ODAD3: variants seen among roughly 807,000 people sequenced by gnomAD.
ODAD3 encodes the protein outer dynein arm docking complex subunit 3.
ODAD3 carries 57 observed loss-of-function variants against 70.9 expected under a neutral mutation model. The ratio of observed to expected loss-of-function variants is 0.80; its 90% confidence interval spans 0.65 to 1.00. The LOEUF is 1.00. Among genes scored for constraint, ODAD3 ranks in the 50% least tolerant of loss-of-function variants. ODAD3 has a pLI of 0.00. For missense variants in ODAD3, 797 were observed against 763.9 expected (o/e 1.04, Z -0.51); for synonymous variants, 327 against 315.9 (o/e 1.04, Z -0.37).
rs1555722340 is a variant in ODAD3 at position 11,425,243 on chromosome 19, GTA to G, written c.963+899_963+900del. On this transcript the variant is annotated intron_variant, in intron 7 of 12. Transcript: ENST00000356392. Reference sequence around the variant, plus strand: ...TATATGTGTGTATATGTACATATGTGTATATATGTATATGTACATATGTGTAT... The same window carrying G: ...TATATGTGTGTATATGTACATATGTGTATATGTATATGTACATATGTGTAT... 1.0e-4 allele frequency among the ~76,000 whole-genome samples: 13 copies of G among 127,036 alleles called. 1 individual carries two copies. The highest frequency in any genetic ancestry group is 5.3e-4 in the African/African-American group (13 of 24,748). The allele number at this position is 127,036 out of a possible 152,430, so 83.3% of individuals were successfully genotyped here. A position where few individuals can be genotyped will look rare whatever the true frequency, so the allele number is the denominator to read the frequency against.
In ODAD3 at chr19:11,425,103, G is replaced by A. The variant is rs200616843; in HGVS notation, c.963+1041C>T. Among the ~76,000 whole-genome samples the A allele has an allele frequency of 3.8e-5, 5 of 131,920 alleles. 2 individuals carry two copies. Among genetic ancestry groups the A allele is most frequent in the African/African-American group, 1.7e-4 (5 of 29,810 alleles). 86.5% of individuals were successfully genotyped at this position (131,920 alleles called of 152,430 possible). A position where few individuals can be genotyped will look rare whatever the true frequency, so the allele number is the denominator to read the frequency against. On this transcript the variant is annotated intron_variant, in intron 7 of 12. Coordinates refer to ENST00000356392, the MANE Select transcript of ODAD3 (RefSeq NM_145045.5). Reference sequence around the variant, plus strand: ...TGTATATGTACATATGTGTATATATGTATATATGTGTATATGTACATATGT... The same window carrying A: ...TGTATATGTACATATGTGTATATATATATATATGTGTATATGTACATATGT...
chr19:11,423,061 C>T (rs1473190179), intron 8 of ODAD3, among the ~76,000 whole-genome samples, 200 bp from the exon 9 acceptor site: 4 of 152,232 alleles, frequency 2.6e-5, no homozygotes, highest in African/African-American at 7.2e-5. Context: ...ATCATTTTTG[C>T]GGGGCCCTTT....
At chr19:11,425,479 G>GTGTGTATATATGTATATATGTATATA (rs1969329767) in intron 7 of ODAD3, among the ~76,000 whole-genome samples, 3 of 122,028 alleles carry the variant, frequency 2.5e-5, no homozygotes, top group South Asian at 5.0e-4. Context: ...ATGTATATAT[G>GTGTGTATATATGTATATATGTATATA]TGTGTATATA....
At position 11,420,686 on chromosome 19, in the gene ODAD3, G is replaced by C; in HGVS notation, c.*149C>G. ...GATTTACTGTGGGAACGTCTGGCCC[G>C]GCCCCTTCCTCCCCTCCGGGCGCCG... is the stretch of plus-strand genomic sequence containing the variant. On this transcript the variant is annotated 3_prime_UTR_variant, in exon 13 of 13. Transcript: ENST00000356392. The C allele has an allele frequency of 4.7e-6, 3 of 638,482 alleles. No homozygotes were observed. In the South Asian group the frequency reaches 5.5e-5, roughly 12 times the overall value. 39.6% of individuals were successfully genotyped at this position (638,482 alleles called of 1,614,324 possible). A position where few individuals can be genotyped will look rare whatever the true frequency, so the allele number is the denominator to read the frequency against.
intron 1 of ODAD3, 23 bp downstream of exon 1, chr19:11,434,750 T>C (rs1423685745): frequency 6.3e-7 from 1 of 1,596,564 alleles, no homozygotes; most frequent in South Asian, 1.1e-5. Flanking sequence ...CCTGACCCTC[T>C]GTACCCTCTG....
upstream of ODAD3, chr19:11,435,615 G>C (rs1057359553): frequency 1.8e-6 from 2 of 1,113,444 alleles, no homozygotes; most frequent in East Asian, 5.8e-5. Flanking sequence ...GAAGTGACGG[G>C]GTCCAGAAAT....
chr19:11,434,227 A>G, intron 1 of ODAD3, among the ~76,000 whole-genome samples: 1 of 104,814 alleles, frequency 9.5e-6, no homozygotes, highest in South Asian at 3.0e-4. Context: ...AACAAAAAAC[A>G]AAACAAAAAA....
chr19:11,425,155 A>ATG lies in ODAD3; in HGVS notation c.963+988_963+989insCA, dbSNP rs1969279708. On this transcript the variant is annotated intron_variant, in intron 7 of 12. Coordinates refer to ENST00000356392, the MANE Select transcript of ODAD3 (RefSeq NM_145045.5). ...TATATGTGTATATGTACATATGTAT[A>ATG]TATACATATGTGTATATGTACATAT... 2.5e-4 allele frequency among the ~76,000 whole-genome samples: 33 copies of ATG among 133,478 alleles called. 2 individuals are homozygous for ATG. Among genetic ancestry groups the ATG allele is most frequent in the East Asian group, 4.4e-4 (2 of 4,510 alleles). The allele number at this position is 133,478 out of a possible 152,430, so 87.6% of individuals were successfully genotyped here.
At chr19:11,425,424 T>C (rs1414741851) in intron 7 of ODAD3, among the ~76,000 whole-genome samples, 2 of 144,302 alleles carry the variant, frequency 1.4e-5, no homozygotes, top group Admixed American at 7.0e-5. Context: ...TATGTGTATA[T>C]ACACATATGT....
rs377248220 is a variant in ODAD3 at position 11,425,327 on chromosome 19, A to G, written c.963+817T>C. Among the ~76,000 whole-genome samples, 6 of 136,192 alleles carry G rather than the reference A, an allele frequency of 4.4e-5. 1 individual carries two copies. The highest frequency in any genetic ancestry group is 4.3e-4 in the East Asian group (2 of 4,616). 89.3% of individuals were successfully genotyped at this position (136,192 alleles called of 152,430 possible). ...TGTATGTGTACATATGTGTATATGT[A>G]CATATGTGTATATATGTATATATGT... On this transcript the variant is annotated intron_variant, in intron 7 of 12. Coordinates refer to ENST00000356392, the MANE Select transcript of ODAD3 (RefSeq NM_145045.5).
chr19:11,430,174 G>A (rs577397360), intron 3 of ODAD3, among the ~76,000 whole-genome samples: 102 of 151,948 alleles, frequency 6.7e-4, no homozygotes, highest in Non-Finnish European at 1.0e-3. Context: ...TTTCGCTCTT[G>A]TTGCCCAGGC....
chr19:11,426,483 A>G lies in ODAD3; in HGVS notation c.803T>C (p.Val268Ala). 6.2e-7 allele frequency: 1 copy of G among 1,613,980 alleles called. No homozygotes were observed. The highest frequency in any genetic ancestry group is 8.5e-7 in the Non-Finnish European group (1 of 1,179,958). The change falls in exon 6 of 13, where the codon GTG becomes GCG. Residue 268 changes from valine (V) to alanine (A), a missense_variant. Val to Ala is a moderately conservative substitution (Grantham distance 64, BLOSUM62 0). Transcript: ENST00000356392. ...TKHELEALHV[V>A]NQEALNARDI... ...CCGGGCATTGAGGGCCTCTTGGTTC[A>G]CCACGTGCAGTGCCTCCAGCTCATG...
chr19:11,435,255 G>C, upstream of ODAD3: 1 of 1,318,762 alleles, frequency 7.6e-7, no homozygotes. Context: ...GGCTGAGGCT[G>C]CATAGAGGGG....
At chr19:11,430,438 GTGA>G (rs1211274696) in intron 3 of ODAD3, 1 of 521,684 alleles carries the variant, frequency 1.9e-6, no homozygotes, top group African/African-American at 1.9e-5. Context: ...GCGCCTGGCT[GTGA>G]TGTTTTTTTT....
Position 11,426,865 on chromosome 19 carries a change from G to T in ODAD3, c.612+8C>A. On this transcript the variant is annotated splice_region_variant and intron_variant, in intron 4 of 12. Transcript: ENST00000356392. ...ACCCTCTGCCCTGCAGGCCTCACCC[G>T]CCCCTACCTTGGCCACCTCCGTGTG... 1 of 1,609,866 alleles carries T rather than the reference G, an allele frequency of 6.2e-7. No individual in the cohort carries two copies.
At chr19:11,434,556 G>C in intron 1 of ODAD3, 1 of 374,782 alleles carries the variant, frequency 2.7e-6, no homozygotes, top group Non-Finnish European at 4.6e-6. Context: ...AAAAAATAGA[G>C]AAAATAAATT....
At position 11,423,905 on chromosome 19, in the gene ODAD3, T is replaced by C. The variant is rs1969200826; in HGVS notation, c.1088A>G (p.Lys363Arg). The change falls in exon 8 of 13, where the codon AAG becomes AGG. Residue 363 changes from lysine (K) to arginine (R), a missense_variant. Physicochemically the swap from Lys to Arg is conservative, Grantham distance 26 (BLOSUM62 2). Coordinates refer to ENST00000356392, the MANE Select transcript of ODAD3 (RefSeq NM_145045.5). The stretch of plus-strand genomic sequence containing the variant: ...CGTCTCGTCAGTGCCAGTGGCGTCC[T>C]TGACCTTGCCAAAGATCACCTCCAT... ...YQMEVIFGKV[K>R]DATGTDETHS... 10 of 1,612,926 alleles carry C rather than the reference T, an allele frequency of 6.2e-6. No homozygotes were observed. Among genetic ancestry groups the C allele is most frequent in the Non-Finnish European group, 7.6e-6 (9 of 1,179,874 alleles).
intron 6 of ODAD3, 73 bp from the exon 7 acceptor site, chr19:11,426,339 G>A (rs1969373757): frequency 6.2e-7 from 1 of 1,607,654 alleles, no homozygotes; most frequent in Non-Finnish European, 8.5e-7. Flanking sequence ...CTGGGAGATA[G>A]ATGGGGGCGG....
rs747286460 is a variant in ODAD3 at position 11,420,924 on chromosome 19, TGTC to T, written c.1696_1698del (p.Asp566del). 33 of 1,612,616 alleles carry T rather than the reference TGTC, an allele frequency of 2.0e-5. No individual in the cohort carries two copies. The highest frequency in any genetic ancestry group is 2.8e-5 in the Non-Finnish European group (33 of 1,179,256). On this transcript the variant is annotated inframe_deletion, in exon 13 of 13. Transcript: ENST00000356392. Reference sequence around the variant, plus strand: ...AGTGATGCGCGGGTCACTACCTCGTTGTCCTCCTCCTCACTCTCTTCGTCTAAG... The same window carrying T: ...AGTGATGCGCGGGTCACTACCTCGTTCTCCTCCTCACTCTCTTCGTCTAAG...
Sources: allele counts gnomAD v4.1 joint callset (sites outside exome capture counted in the v4.1 genomes callset), GRCh38; gene constraint gnomAD v4.1.1; transcripts MANE v1.5; gene names NCBI Gene and HGNC (gene_info 2026-07-23, HGNC 2026-07-21).